Variants in SMARCA2 observed in about 807,000 individuals in gnomAD.
SMARCA2 encodes SWI/SNF-related matrix-associated actin-dependent regulator of chromatin subfamily A member 2.
A neutral mutation model predicts 199.8 loss-of-function variants in SMARCA2; 61 were observed. That is an observed-to-expected ratio of 0.31 (90% CI 0.25 to 0.38). The LOEUF is 0.38. Among genes scored for constraint, SMARCA2 ranks in the 10% least tolerant of loss-of-function variants. SMARCA2 has a pLI of 1.00. For synonymous variants in SMARCA2, 935 were observed against 732.0 expected, an observed-to-expected ratio of 1.28 and a Z score of -4.48; for missense variants, 1,344 against 2,012.2, an observed-to-expected ratio of 0.67 and a Z score of 6.35.
In SMARCA2 at chr9:2,104,420, T is replaced by A. The variant is rs1822663418; in HGVS notation, c.3292+251T>A. On this transcript the variant is annotated intron_variant, in intron 23 of 33. Transcript: ENST00000349721. The surrounding 1 kb of genome is among the most constrained non-coding windows in gnomAD (Gnocchi z 4.0). ...TTAGAGTCACTTTTGAGTACCTAAA[T>A]AAAATAAAATTAAACTAAATTAAAA... Among the ~76,000 whole-genome samples, 1 of 152,172 alleles carries A rather than the reference T, an allele frequency of 6.6e-6. No individual in the cohort carries two copies. Among genetic ancestry groups the A allele is most frequent in the African/African-American group, 2.4e-5 (1 of 41,440 alleles).
In SMARCA2 at chr9:2,082,067, G is replaced by C; in HGVS notation, c.2348+72G>C. The C allele has an allele frequency of 3.2e-6, 4 of 1,269,782 alleles. No homozygotes were observed. The South Asian group carries it at 5.6e-5, about 18-fold the overall frequency. 78.7% of individuals were successfully genotyped at this position (1,269,782 alleles called of 1,614,324 possible). On this transcript the variant is annotated intron_variant, in intron 15 of 33. Coordinates refer to ENST00000349721, the MANE Select transcript of SMARCA2 (RefSeq NM_003070.5). ...AGTGCCCGATTAGTAGCTTGTCCTTGTTTTTTACTTAAGACAGAATTGTAG... is the reference window on the plus strand; with the variant it reads ...AGTGCCCGATTAGTAGCTTGTCCTTCTTTTTTACTTAAGACAGAATTGTAG...
chr9:2,020,454 G>A (rs1237034303), intron 1 of SMARCA2, among the ~76,000 whole-genome samples: 2 of 152,078 alleles, frequency 1.3e-5, no homozygotes, highest in Non-Finnish European at 1.5e-5. Flanking sequence ...ATTTAGGAAG[G>A]CCTGGAGTGA....
At position 2,134,328 on chromosome 9, in the gene SMARCA2, A is replaced by T. The variant is rs372023954; in HGVS notation, c.3981+10391A>T. ...CAAGCACTCCAGCTTGTACTCATTC[A>T]GCCATTAAGTCTCTTTACCCTGGTT... On this transcript the variant is annotated intron_variant, in intron 27 of 33. Transcript: ENST00000349721. Among the ~76,000 whole-genome samples the T allele has an allele frequency of 3.9e-5, 6 of 152,310 alleles. No homozygotes were observed. In the East Asian group the frequency reaches 9.6e-4, roughly 24 times the overall value.
chr9:2,129,521 C>G (rs914683594), intron 27 of SMARCA2, among the ~76,000 whole-genome samples: 4 of 152,208 alleles, frequency 2.6e-5, no homozygotes, highest in African/African-American at 9.6e-5. Flanking sequence ...CATCAGTCCT[C>G]CAGCTCATCA....
chr9:2,192,878 C>G lies in SMARCA2; in HGVS notation c.*139C>G, dbSNP rs1382305598. On this transcript the variant is annotated 3_prime_UTR_variant, in exon 34 of 34. Transcript: ENST00000349721. ...CTATAAACTAGCTTTAGGATAGTGC[C>G]AGACAAACATATGATATCATGGTGT... 1.5e-6 allele frequency: 1 copy of G among 676,940 alleles called. No individual in the cohort carries two copies. Among genetic ancestry groups the G allele is most frequent in the African/African-American group, 1.8e-5 (1 of 55,194 alleles). The allele number at this position is 676,940 out of a possible 1,614,324, so 41.9% of individuals were successfully genotyped here.
intron 1 of SMARCA2, 85 bp from the exon 2 acceptor site, chr9:2,028,902 C>T (rs1384635095): frequency 7.2e-6 from 8 of 1,114,302 alleles, no homozygotes; most frequent in South Asian, 4.3e-5. Context: ...ACAGAAATGG[C>T]ACCATCAAAT....
chr9:2,167,555 G>T (rs551421450), intron 28 of SMARCA2, among the ~76,000 whole-genome samples: 2 of 152,336 alleles, frequency 1.3e-5, no homozygotes, highest in East Asian at 3.9e-4. Flanking sequence ...CAGCTCCGGG[G>T]CACAGAGGGG....
chr9:2,083,805 C>G (rs1003332185), intron 16 of SMARCA2, among the ~76,000 whole-genome samples: 1 of 152,240 alleles, frequency 6.6e-6, no homozygotes, highest in African/African-American at 2.4e-5. Flanking sequence ...AGCCTTTCAG[C>G]AGAGCGGTGG....
intron 31 of SMARCA2, among the ~76,000 whole-genome samples, chr9:2,183,311 A>T (rs747291290): frequency 1.3e-5 from 2 of 152,170 alleles, no homozygotes; most frequent in Non-Finnish European, 2.9e-5. Flanking sequence ...TTGCTTTTTA[A>T]TCCTTTTTAT....
intron 12 of SMARCA2, 86 bp from the exon 13 acceptor site, chr9:2,076,143 C>G (rs1821314997): frequency 6.6e-6 from 5 of 760,988 alleles, no homozygotes; most frequent in African/African-American, 1.8e-5. Flanking sequence ...AAGTTCAATA[C>G]TAGTTTATGT....
chr9:2,132,584 C>G (rs144664880), intron 27 of SMARCA2, among the ~76,000 whole-genome samples: 2 of 152,034 alleles, frequency 1.3e-5, no homozygotes, highest in Admixed American at 6.6e-5. Flanking sequence ...AACATGGACC[C>G]TTTTTTCTTT....
chr9:2,144,033 G>C (rs1824594282), intron 27 of SMARCA2, among the ~76,000 whole-genome samples: 3 of 152,018 alleles, frequency 2.0e-5, no homozygotes. Context: ...GTGCAATACA[G>C]AATCGTACAT....
At position 2,186,116 on chromosome 9, in the gene SMARCA2, C is replaced by T; in HGVS notation, c.4482C>T (p.Val1494=). The change falls in exon 32 of 34, where the codon GTC becomes GTT. Residue 1494 remains valine (V), a synonymous_variant. Transcript: ENST00000349721. ...TTTAGATCTATGAAGACTCCATCGT[C>T]TTACAGTCAGTGTTTAAGAGTGCCC... ...EGSQIYEDSI[V]LQSVFKSARQ... 1 of 1,614,022 alleles carries T rather than the reference C, an allele frequency of 6.2e-7. No individual in the cohort carries two copies. Among genetic ancestry groups the T allele is most frequent in the East Asian group, 2.2e-5 (1 of 44,876 alleles).
At chr9:2,089,417 A>G (rs1283896705) in intron 19 of SMARCA2, among the ~76,000 whole-genome samples, 1 of 152,080 alleles carries the variant, frequency 6.6e-6, no homozygotes. Context: ...AGAAGAGCCA[A>G]TTCTGAAATG....
At position 2,110,559 on chromosome 9, in the gene SMARCA2, G is replaced by A; in HGVS notation, c.3456+142G>A. 1 of 603,088 alleles carries A rather than the reference G, an allele frequency of 1.7e-6. No individual in the cohort carries two copies. Among genetic ancestry groups the A allele is most frequent in the Non-Finnish European group, 2.7e-6 (1 of 371,320 alleles). The allele number at this position is 603,088 out of a possible 1,614,324, so 37.4% of individuals were successfully genotyped here. Reference sequence around the variant, plus strand: ...TTTCTTGGAGCCAATTCTTCTGGCTGTTTTCTTATCTCCCTTAGAGCATAG... The same window carrying A: ...TTTCTTGGAGCCAATTCTTCTGGCTATTTTCTTATCTCCCTTAGAGCATAG... On this transcript the variant is annotated intron_variant, in intron 24 of 33. Coordinates refer to ENST00000349721, the MANE Select transcript of SMARCA2 (RefSeq NM_003070.5). The surrounding 1 kb of genome is among the most constrained non-coding windows in gnomAD (Gnocchi z 4.8).
intron 32 of SMARCA2, among the ~76,000 whole-genome samples, chr9:2,190,262 T>A (rs1247918168): frequency 6.6e-6 from 1 of 152,184 alleles, no homozygotes; most frequent in Non-Finnish European, 1.5e-5. Flanking sequence ...AAATTTACCA[T>A]ATGGACATGT....
rs1212002242 is a variant in SMARCA2, at chr9:2,186,131, T to C, written c.4497T>C (p.Phe1499=). The C allele has an allele frequency of 2.5e-6, 4 of 1,613,962 alleles. No homozygotes were observed. The South Asian group carries it at 4.4e-5, about 18-fold the overall frequency. The change falls in exon 32 of 34, where the codon TTT becomes TTC. Residue 1499 remains phenylalanine (F), a synonymous_variant. Coordinates refer to ENST00000349721, the MANE Select transcript of SMARCA2 (RefSeq NM_003070.5). ...ACTCCATCGTCTTACAGTCAGTGTT[T>C]AAGAGTGCCCGGCAGAAAATTGCCA... ...YEDSIVLQSV[F]KSARQKIAKE... is the part of the protein sequence containing the mutation.
chr9:2,063,047 G>C (rs1820674011), intron 9 of SMARCA2, among the ~76,000 whole-genome samples: 1 of 152,150 alleles, frequency 6.6e-6, no homozygotes, highest in Non-Finnish European at 1.5e-5. Flanking sequence ...TCAATGTGCA[G>C]AATTTTTACT....
rs1823029861 is a variant in SMARCA2 at position 2,112,059 on chromosome 9, G to A, written c.3456+1642G>A. On this transcript the variant is annotated intron_variant, in intron 24 of 33. Transcript: ENST00000349721. ...AAAAGTGTTTCATTCCAAGGCTCAGGTAGAATTCATATTGATGTGAGAGAT... is the reference window on the plus strand; with the variant it reads ...AAAAGTGTTTCATTCCAAGGCTCAGATAGAATTCATATTGATGTGAGAGAT... Among the ~76,000 whole-genome samples the A allele has an allele frequency of 2.0e-5, 3 of 152,174 alleles. No homozygotes were observed. In the South Asian group the frequency reaches 6.2e-4, roughly 32 times the overall value.
Sources: gnomAD v4.1 joint callset for allele counts (sites outside exome capture counted in the v4.1 genomes callset) on GRCh38, gnomAD v4.1.1 for gene constraint, Gnocchi (gnomAD v3.1) non-coding constraint, MANE v1.5 for transcripts, NCBI Gene and HGNC (gene_info 2026-07-23, HGNC 2026-07-21) for gene names.